Variants in L3MBTL4 observed in about 807,000 individuals in gnomAD.
L3MBTL4 encodes L3MBTL histone methyl-lysine binding protein 4, also known as lethal(3)malignant brain tumor-like protein 4.
A neutral mutation model predicts 84.5 loss-of-function variants in L3MBTL4; 70 were observed. The ratio of observed to expected loss-of-function variants is 0.83; its 90% confidence interval spans 0.68 to 1.01. The LOEUF (loss-of-function observed/expected upper bound fraction) is 1.01. Ranked by LOEUF, L3MBTL4 falls within the 50% of genes least tolerant of loss-of-function variation. The pLI, the probability that L3MBTL4 is intolerant of heterozygous loss-of-function variation, is 0.00. For missense variants in L3MBTL4, 715 were observed against 754.8 expected (o/e 0.95, Z 0.62); for synonymous variants, 274 against 259.8 (o/e 1.05, Z -0.52).
intron 12 of L3MBTL4, among the ~76,000 whole-genome samples, chr18:6,199,440 A>G (rs891254629): frequency 7.9e-5 from 12 of 152,348 alleles, no homozygotes; most frequent in African/African-American, 2.9e-4. Context: ...TGTACTGGAG[A>G]GAACAGAGAG....
At chr18:5,991,110 C>T (rs1473539995) in intron 16 of L3MBTL4, among the ~76,000 whole-genome samples, 5 of 152,092 alleles carry the variant, frequency 3.3e-5, no homozygotes, top group Admixed American at 1.3e-4. Context: ...CTTCTCTTTG[C>T]TTGGCTGACT....
At chr18:6,074,424 T>C (rs1180989986) in intron 16 of L3MBTL4, among the ~76,000 whole-genome samples, 3 of 152,236 alleles carry the variant, frequency 2.0e-5, no homozygotes, top group African/African-American at 4.8e-5. Flanking sequence ...TATACTTGGC[T>C]GTCATGTTGT....
chr18:6,314,637 G>C (rs1281599318), intron 1 of L3MBTL4, among the ~76,000 whole-genome samples: 5 of 152,136 alleles, frequency 3.3e-5, no homozygotes, highest in African/African-American at 1.2e-4. Context: ...CTCTAAATGA[G>C]TTTAATTTCC....
intron 16 of L3MBTL4, among the ~76,000 whole-genome samples, chr18:6,038,795 G>T (rs567564459): frequency 6.6e-6 from 1 of 152,076 alleles, no homozygotes; most frequent in African/African-American, 2.4e-5. Context: ...ACCCATTTTT[G>T]CATGTTATCA....
At chr18:6,210,269 C>G (rs988015096) in intron 12 of L3MBTL4, among the ~76,000 whole-genome samples, 2 of 152,192 alleles carry the variant, frequency 1.3e-5, no homozygotes, top group African/African-American at 4.8e-5. Flanking sequence ...CAGTACCACA[C>G]AGGACCCTCC....
chr18:6,412,921 C>CAA (rs553786468), intron 1 of L3MBTL4, among the ~76,000 whole-genome samples: 3 of 135,850 alleles, frequency 2.2e-5, no homozygotes, highest in African/African-American at 8.0e-5. Context: ...TCCGTCTCTA[C>CAA]AAAAAAAAAA....
intron 13 of L3MBTL4, among the ~76,000 whole-genome samples, chr18:6,149,334 T>C (rs2042789585): frequency 6.6e-6 from 1 of 151,952 alleles, no homozygotes; most frequent in Admixed American, 6.6e-5. Context: ...TTGCTGAGAA[T>C]GATGGTTTCC....
intron 4 of L3MBTL4, among the ~76,000 whole-genome samples, chr18:6,296,167 C>G (rs917379444): frequency 2.6e-5 from 4 of 152,126 alleles, no homozygotes; most frequent in African/African-American, 9.7e-5. Flanking sequence ...ACAAAAGACT[C>G]CAGGATACTA....
chr18:6,318,774 A>G (rs2051255502), intron 1 of L3MBTL4, among the ~76,000 whole-genome samples: 1 of 152,088 alleles, frequency 6.6e-6, no homozygotes, highest in South Asian at 2.1e-4. Context: ...ATGATAGAAC[A>G]AATGAAGCTA....
chr18:6,300,291 A>G (rs2050281494), intron 4 of L3MBTL4, among the ~76,000 whole-genome samples: 2 of 152,218 alleles, frequency 1.3e-5, no homozygotes, highest in African/African-American at 4.8e-5. Context: ...CATAGTATCT[A>G]CATACACAAA....
intron 12 of L3MBTL4, among the ~76,000 whole-genome samples, chr18:6,177,392 T>C (rs536254132): frequency 2.5e-4 from 38 of 152,238 alleles, no homozygotes; most frequent in South Asian, 6.2e-4. Context: ...ACCCCACTGA[T>C]AGGAAATCTG....
chr18:6,190,183 C>T (rs1219051017), intron 12 of L3MBTL4, among the ~76,000 whole-genome samples: 4 of 152,036 alleles, frequency 2.6e-5, no homozygotes, highest in African/African-American at 4.8e-5. Context: ...ACTGTATGAC[C>T]GCATTCATAA....
chr18:6,375,749 T>A (rs1462479226), intron 1 of L3MBTL4, among the ~76,000 whole-genome samples: 1 of 151,870 alleles, frequency 6.6e-6, no homozygotes, highest in Admixed American at 6.6e-5. Flanking sequence ...CCAAAAAGAA[T>A]GGGGTGGAAT....
intron 16 of L3MBTL4, among the ~76,000 whole-genome samples, chr18:6,047,113 T>A (rs747452593): frequency 6.6e-6 from 1 of 152,160 alleles, no homozygotes; most frequent in African/African-American, 2.4e-5. Context: ...GAGACTATTA[T>A]GAACATCTCT....
At chr18:6,368,553 G>GCTAT (rs2054026221) in intron 1 of L3MBTL4, among the ~76,000 whole-genome samples, 1 of 152,040 alleles carries the variant, frequency 6.6e-6, no homozygotes, top group Non-Finnish European at 1.5e-5. Flanking sequence ...CTGAGGTATA[G>GCTAT]GTATTATTAT....
chr18:6,047,093 A>G (rs1375851112), intron 16 of L3MBTL4, among the ~76,000 whole-genome samples: 1 of 152,184 alleles, frequency 6.6e-6, no homozygotes, highest in East Asian at 1.9e-4. Context: ...GAAATAAAAA[A>G]AAATCCTCAG....
intron 1 of L3MBTL4, among the ~76,000 whole-genome samples, chr18:6,313,028 T>G (rs1007955232): frequency 3.3e-5 from 5 of 152,192 alleles, no homozygotes; most frequent in African/African-American, 1.2e-4. Flanking sequence ...AGGTCTTCCT[T>G]GCCTACCTCC....
intron 16 of L3MBTL4, among the ~76,000 whole-genome samples, chr18:6,062,420 T>C (rs1225717740): frequency 2.6e-5 from 4 of 152,016 alleles, no homozygotes; most frequent in African/African-American, 4.8e-5. Flanking sequence ...TCATCTTTGA[T>C]TTTGTATAGT....
At chr18:6,300,168 C>T (rs1401045724) in intron 4 of L3MBTL4, among the ~76,000 whole-genome samples, 1 of 152,106 alleles carries the variant, frequency 6.6e-6, no homozygotes, top group African/African-American at 2.4e-5. Context: ...CATTATAATG[C>T]TAGCACAGTA....
Sources: gnomAD v4.1 joint callset for allele counts (sites outside exome capture counted in the v4.1 genomes callset) on GRCh38, gnomAD v4.1.1 for gene constraint, MANE v1.5 for transcripts, NCBI Gene and HGNC (gene_info 2026-07-23, HGNC 2026-07-21) for gene names.